The following PRMT8 variants were observed in gnomAD, a reference collection of about 807,000 sequenced individuals.
PRMT8 encodes the protein protein arginine N-methyltransferase 8.
PRMT8 carries 7 observed loss-of-function variants against 47.1 expected under a neutral mutation model. That is an observed-to-expected ratio of 0.15 (90% CI 0.08 to 0.28). The LOEUF (loss-of-function observed/expected upper bound fraction) is 0.28. Ranked by LOEUF, PRMT8 falls within the 10% of genes least tolerant of loss-of-function variation. PRMT8 has a pLI of 1.00. For missense variants in PRMT8, 237 were observed against 505.4 expected (o/e 0.47, Z 5.09); for synonymous variants, 188 against 186.5 (o/e 1.01, Z -0.07).
At chr12:3,556,218 C>T (rs1318544630) in intron 4 of PRMT8, among the ~76,000 whole-genome samples, 1 of 152,034 alleles carries the variant, frequency 6.6e-6, no homozygotes, top group African/African-American at 2.4e-5. Context: ...GAGTCATCAA[C>T]CTATAGGTGG....
rs1866804479 is a variant in PRMT8 at position 3,569,432 on chromosome 12, A to G, written c.625-45A>G. ...CAGTTCAAAATGTGATGTCTTTGTC[A>G]GGTGAATAGATTACGAGACCCATTT... On this transcript the variant is annotated intron_variant, in intron 5 of 9. Transcript: ENST00000382622. This position sits in a 1 kb window ranked among gnomAD's most constrained non-coding sequence, Gnocchi z 8.2. 6.7e-7 allele frequency: 1 copy of G among 1,486,756 alleles called. No individual in the cohort carries two copies. The allele number at this position is 1,486,756 out of a possible 1,614,324, so 92.1% of individuals were successfully genotyped here.
rs1049572804 is a variant in PRMT8, at chr12:3,493,057, TCC to T, written c.75+1361_75+1362del. Among the ~76,000 whole-genome samples, 16 of 152,064 alleles carry T rather than the reference TCC, an allele frequency of 1.1e-4. No homozygotes were observed. Among genetic ancestry groups the T allele is most frequent in the African/African-American group, 3.9e-4 (16 of 41,464 alleles). Reference sequence around the variant, plus strand: ...GGCGTAGGCAGCAAAGCTTTATAAATCCCCCTTCTCTGAGAGACTAGAAGCAG... The same window carrying T: ...GGCGTAGGCAGCAAAGCTTTATAAATCCCTTCTCTGAGAGACTAGAAGCAG... On this transcript the variant is annotated intron_variant, in intron 1 of 9. Coordinates refer to ENST00000382622, the MANE Select transcript of PRMT8 (RefSeq NM_019854.5). The surrounding 1 kb of genome is among the most constrained non-coding windows in gnomAD (Gnocchi z 8.2).
intron 1 of PRMT8, among the ~76,000 whole-genome samples, chr12:3,455,975 C>T (rs941384997): frequency 1.3e-5 from 2 of 152,184 alleles, no homozygotes; most frequent in Admixed American, 1.3e-4. Flanking sequence ...TGTCTCTTTG[C>T]TAGCTGTGTG....
chr12:3,427,000 A>G (rs1864612580), intron 1 of PRMT8, among the ~76,000 whole-genome samples: 2 of 152,222 alleles, frequency 1.3e-5, no homozygotes, highest in Non-Finnish European at 2.9e-5. Context: ...AACCAAGTAT[A>G]TAATTTTTAA....
chr12:3,474,042 C>T (rs1865185185), intron 1 of PRMT8, among the ~76,000 whole-genome samples: 1 of 152,212 alleles, frequency 6.6e-6, no homozygotes, highest in Non-Finnish European at 1.5e-5. Context: ...GTGGATTCCC[C>T]CAGTCCATTC....
intron 1 of PRMT8, among the ~76,000 whole-genome samples, chr12:3,482,697 G>T (rs1036946708): frequency 6.6e-6 from 1 of 152,158 alleles, no homozygotes; most frequent in Non-Finnish European, 1.5e-5. Context: ...TTTTACACTT[G>T]TATGTGTGCC....
rs1244518320 is a variant in PRMT8 at position 3,456,716 on chromosome 12, A to G, written c.48+75274A>G. Among the ~76,000 whole-genome samples, 6 of 152,196 alleles carry G rather than the reference A, an allele frequency of 3.9e-5. No homozygotes were observed. Among genetic ancestry groups the G allele is most frequent in the Non-Finnish European group, 7.3e-5 (5 of 68,036 alleles). ...TGGCCTGGAGGGGAGGGCAGTGAGG[A>G]ACCCGTGAGAAGGGGCCAACGCCCG... On this transcript the variant is annotated intron_variant, in intron 1 of 9. Coordinates refer to the PRMT8 transcript ENST00000452611. The surrounding 1 kb of genome is among the most constrained non-coding windows in gnomAD (Gnocchi z 4.2).
intron 1 of PRMT8, among the ~76,000 whole-genome samples, chr12:3,471,281 T>C (rs1865159919): frequency 6.6e-6 from 1 of 152,092 alleles, no homozygotes; most frequent in East Asian, 1.9e-4. Context: ...TGGCTTGCTC[T>C]GCTCCCAGCT....
chr12:3,568,380 T>C (rs1214972842), intron 4 of PRMT8, among the ~76,000 whole-genome samples: 1 of 121,726 alleles, frequency 8.2e-6, no homozygotes, highest in Admixed American at 7.9e-5. Context: ...CGTGGACCTG[T>C]GCAGTTCAAA....
chr12:3,525,710 G>C (rs1242594556), intron 1 of PRMT8, among the ~76,000 whole-genome samples: 1 of 152,172 alleles, frequency 6.6e-6, no homozygotes, highest in Admixed American at 6.5e-5. Flanking sequence ...GGAAGTGATA[G>C]AAATGATAGA....
At chr12:3,464,242 C>T (rs1392509465) in intron 1 of PRMT8, among the ~76,000 whole-genome samples, 1 of 150,952 alleles carries the variant, frequency 6.6e-6, no homozygotes, top group African/African-American at 2.4e-5. Flanking sequence ...CAAAGAGGTG[C>T]TTTTGTTTCC....
In PRMT8 at chr12:3,497,548, TTTG is replaced by T. The variant is rs539792442; in HGVS notation, c.75+5851_75+5853del. ...GGTTGTCTCACCATTTTTACTAGTT[TTTG>T]TTCCAATTGATTCCAATCCCTTTTT... On this transcript the variant is annotated intron_variant, in intron 1 of 9. Coordinates refer to ENST00000382622, the MANE Select transcript of PRMT8 (RefSeq NM_019854.5). 2.4e-4 allele frequency among the ~76,000 whole-genome samples: 37 copies of T among 152,338 alleles called. No individual in the cohort carries two copies. In the South Asian group the frequency reaches 7.7e-3, roughly 32 times the overall value.
At chr12:3,441,572 A>C (rs1734045655) in intron 1 of PRMT8, among the ~76,000 whole-genome samples, 1 of 152,218 alleles carries the variant, frequency 6.6e-6, no homozygotes, top group Non-Finnish European at 1.5e-5. Context: ...CCTGGCACAC[A>C]GAGGGTGCTC....
intron 1 of PRMT8, among the ~76,000 whole-genome samples, chr12:3,471,051 C>A (rs1022157079): frequency 3.3e-5 from 5 of 152,074 alleles, no homozygotes; most frequent in African/African-American, 9.7e-5. Context: ...GGCCTGGAAC[C>A]AAGTGACGCA....
intron 3 of PRMT8, chr12:3,553,278 C>A: frequency 6.9e-6 from 2 of 289,796 alleles, no homozygotes; most frequent in East Asian, 8.1e-5. Context: ...GGGAGGCTCG[C>A]AACTCTGGCT....
chr12:3,505,098 G>C (rs1307134301), intron 1 of PRMT8, among the ~76,000 whole-genome samples: 1 of 145,432 alleles, frequency 6.9e-6, no homozygotes, highest in Admixed American at 6.9e-5. Context: ...TGCGCCCACT[G>C]TCTGGCACTC....
intron 1 of PRMT8, among the ~76,000 whole-genome samples, chr12:3,474,141 G>A (rs1002814503): frequency 2.6e-5 from 4 of 152,144 alleles, no homozygotes; most frequent in Non-Finnish European, 5.9e-5. Context: ...TAACCCCACT[G>A]CCTTCAGGAT....
chr12:3,526,312 C>T (rs1313578397), intron 1 of PRMT8, among the ~76,000 whole-genome samples: 2 of 152,136 alleles, frequency 1.3e-5, no homozygotes, highest in African/African-American at 4.8e-5. Context: ...GTGAGAAATG[C>T]TATGTGAACG....
chr12:3,421,280 G>A (rs749300083), intron 1 of PRMT8, among the ~76,000 whole-genome samples: 3 of 152,182 alleles, frequency 2.0e-5, no homozygotes, highest in Admixed American at 6.5e-5. Flanking sequence ...TATCTGGTGG[G>A]ACAGAAGGAC....
Sources: gnomAD v4.1 joint callset for allele counts (sites outside exome capture counted in the v4.1 genomes callset) on GRCh38, gnomAD v4.1.1 for gene constraint, Gnocchi (gnomAD v3.1) non-coding constraint, MANE v1.5 for transcripts, NCBI Gene and HGNC (gene_info 2026-07-23, HGNC 2026-07-21) for gene names.